Variants in KIF26B observed in about 807,000 individuals in gnomAD.
KIF26B encodes the protein kinesin family member 26B, also known as kinesin-like protein KIF26B.
A neutral mutation model predicts 151.2 loss-of-function variants in KIF26B; 63 were observed. That is an observed-to-expected ratio of 0.42 (90% CI 0.34 to 0.51). KIF26B has a LOEUF of 0.51. Ranked by LOEUF, KIF26B falls within the 20% of genes least tolerant of loss-of-function variation. KIF26B has a pLI of 0.07. For synonymous variants in KIF26B, 1,357 were observed against 1,262.1 expected (o/e 1.08, Z -1.59); for missense variants, 2,813 against 2,913.6 (o/e 0.97, Z 0.79).
At chr1:245,671,455 A>G (rs1031973703) in intron 10 of KIF26B, among the ~76,000 whole-genome samples, 17 of 152,210 alleles carry the variant, frequency 1.1e-4, no homozygotes, top group African/African-American at 3.9e-4. Context: ...ACAAAGTAGA[A>G]TGGTGGTTAC....
intron 2 of KIF26B, among the ~76,000 whole-genome samples, chr1:245,273,426 A>T (rs74385535): frequency 0.6 from 89,846 of 149,290 alleles, 28,389 homozygotes; most frequent in African/African-American, 0.77. Context: ...CAAAAAAAAA[A>T]AAAAAAAAAA....
At chr1:245,362,889 A>C (rs1472258368) in intron 2 of KIF26B, among the ~76,000 whole-genome samples, 1 of 152,204 alleles carries the variant, frequency 6.6e-6, no homozygotes, top group Non-Finnish European at 1.5e-5. Flanking sequence ...TTAAAACTTT[A>C]GGTTGAAAAT....
rs1397454030 is a variant in KIF26B at position 245,169,577 on chromosome 1, T to C, written c.465+12894T>C. ...AGCAGAGGAAGCGGTTGGCAGCTCC[T>C]AGTCCTCCCATGATGGCTTTACAAG... On this transcript the variant is annotated intron_variant, in intron 2 of 14. Transcript: ENST00000407071. Among the ~76,000 whole-genome samples, 3 of 145,360 alleles carry C rather than the reference T, an allele frequency of 2.1e-5. No individual in the cohort carries two copies. The Admixed American group carries it at 2.2e-4, about 10-fold the overall frequency.
chr1:245,258,366 G>A (rs765816497), intron 2 of KIF26B, among the ~76,000 whole-genome samples: 1 of 152,174 alleles, frequency 6.6e-6, no homozygotes, highest in East Asian at 1.9e-4. Flanking sequence ...AGGTACCAGA[G>A]TGCATGCGGG....
At position 245,289,588 on chromosome 1, in the gene KIF26B, C is replaced by T. The variant is rs76202215; in HGVS notation, c.466-77246C>T. Among the ~76,000 whole-genome samples the T allele has an allele frequency of 1.5e-3, 229 of 152,094 alleles. 10 individuals carry two copies. The East Asian group carries it at 0.044, about 29-fold the overall frequency. On this transcript the variant is annotated intron_variant, in intron 2 of 14. Coordinates refer to ENST00000407071, the MANE Select transcript of KIF26B (RefSeq NM_018012.4). Reference sequence around the variant, plus strand: ...ATGAAGTCTTGAAGTCTTTTTTCCCCTTGAATAACAACAGAATCAGAGCCT... The same window carrying T: ...ATGAAGTCTTGAAGTCTTTTTTCCCTTTGAATAACAACAGAATCAGAGCCT...
At chr1:245,496,412 T>C (rs959300507) in intron 4 of KIF26B, among the ~76,000 whole-genome samples, 2 of 152,066 alleles carry the variant, frequency 1.3e-5, no homozygotes, top group Admixed American at 6.5e-5. Context: ...ATTAAATGCA[T>C]GACAAAAACA....
chr1:245,246,864 A>G (rs1245588456), intron 2 of KIF26B, among the ~76,000 whole-genome samples: 1 of 69,830 alleles, frequency 1.4e-5, no homozygotes, highest in East Asian at 4.5e-4. Flanking sequence ...TTGTAAGGGC[A>G]GAACACACAC....
intron 2 of KIF26B, among the ~76,000 whole-genome samples, chr1:245,365,927 G>A (rs967986343): frequency 1.3e-5 from 2 of 152,202 alleles, no homozygotes; most frequent in African/African-American, 4.8e-5. Context: ...TTGTTTCTCT[G>A]TGTAATCCTA....
intron 12 of KIF26B, among the ~76,000 whole-genome samples, 169 bp downstream of exon 12, chr1:245,688,976 G>A (rs1213812429): frequency 1.3e-5 from 2 of 151,896 alleles, no homozygotes; most frequent in Admixed American, 6.5e-5. Context: ...CCCGTGCCCT[G>A]GGGAGGGGGC....
chr1:245,596,421 A>G (rs539849323), intron 5 of KIF26B, among the ~76,000 whole-genome samples: 34 of 152,268 alleles, frequency 2.2e-4, no homozygotes, highest in African/African-American at 7.7e-4. Flanking sequence ...TATTTACCCA[A>G]TAGTCATTCA....
At chr1:245,407,242 G>T (rs954522844) in intron 3 of KIF26B, among the ~76,000 whole-genome samples, 3 of 152,168 alleles carry the variant, frequency 2.0e-5, no homozygotes, top group Non-Finnish European at 2.9e-5. Flanking sequence ...CCGGGGCAGG[G>T]TGGGGCCCTT....
chr1:245,208,073 C>G (rs1483745845), intron 2 of KIF26B, among the ~76,000 whole-genome samples: 3 of 152,176 alleles, frequency 2.0e-5, no homozygotes, highest in Non-Finnish European at 4.4e-5. Flanking sequence ...AGATAATTCT[C>G]TGTTAATCGA....
chr1:245,660,046 C>G (rs1219036991), intron 10 of KIF26B, among the ~76,000 whole-genome samples: 1 of 151,386 alleles, frequency 6.6e-6, no homozygotes, highest in South Asian at 2.1e-4. Flanking sequence ...GAGACTCCAT[C>G]TCAGAAAAAA....
intron 2 of KIF26B, among the ~76,000 whole-genome samples, chr1:245,349,855 A>G (rs1259655391): frequency 6.6e-6 from 1 of 152,160 alleles, no homozygotes; most frequent in African/African-American, 2.4e-5. Flanking sequence ...TCTTTGTTTC[A>G]AGTATAATGA....
chr1:245,527,886 A>G (rs963977608), intron 4 of KIF26B, among the ~76,000 whole-genome samples: 6 of 151,650 alleles, frequency 4.0e-5, no homozygotes, highest in Non-Finnish European at 8.8e-5. Context: ...AGGTGTTTAC[A>G]GTTCTTTTAA....
chr1:245,170,417 A>G lies in KIF26B; in HGVS notation c.465+13734A>G, dbSNP rs763421470. 1.3e-5 allele frequency among the ~76,000 whole-genome samples: 2 copies of G among 152,194 alleles called. No homozygotes were observed. The highest frequency in any genetic ancestry group is 1.9e-4 in the East Asian group (1 of 5,202). On this transcript the variant is annotated intron_variant, in intron 2 of 14. Coordinates refer to ENST00000407071, the MANE Select transcript of KIF26B (RefSeq NM_018012.4). The surrounding 1 kb of genome is among the most constrained non-coding windows in gnomAD (Gnocchi z 4.4). ...AAAGACATGTGGGAATGCTCACTGGATGCTTACAATTGGTTCCAGGTGTTC... is the reference window on the plus strand; with the variant it reads ...AAAGACATGTGGGAATGCTCACTGGGTGCTTACAATTGGTTCCAGGTGTTC...
intron 10 of KIF26B, among the ~76,000 whole-genome samples, chr1:245,678,739 T>G (rs1218734847): frequency 6.6e-6 from 1 of 152,024 alleles, no homozygotes; most frequent in East Asian, 1.9e-4. Context: ...GGTGCATGCC[T>G]GTAGTTCCAG....
intron 4 of KIF26B, among the ~76,000 whole-genome samples, chr1:245,423,127 A>G (rs1369806571): frequency 6.6e-6 from 1 of 151,584 alleles, no homozygotes; most frequent in Non-Finnish European, 1.5e-5. Flanking sequence ...GAAAGAAAGA[A>G]AGAAAGAAGC....
chr1:245,623,421 C>A (rs1284284668), intron 9 of KIF26B, among the ~76,000 whole-genome samples: 2 of 152,102 alleles, frequency 1.3e-5, no homozygotes, highest in East Asian at 1.9e-4. Flanking sequence ...ATCAATAGTT[C>A]ATATATTTAT....
Sources: allele counts gnomAD v4.1 joint callset (sites outside exome capture counted in the v4.1 genomes callset), GRCh38; gene constraint gnomAD v4.1.1; non-coding constraint Gnocchi (gnomAD v3.1); transcripts MANE v1.5; gene names NCBI Gene and HGNC (gene_info 2026-07-23, HGNC 2026-07-21).